The following AGPAT5 variants were observed in gnomAD, a reference collection of about 807,000 sequenced individuals.
The protein encoded by AGPAT5 is 1-acylglycerol-3-phosphate O-acyltransferase 5, also known as 1-acyl-sn-glycerol-3-phosphate acyltransferase epsilon.
In AGPAT5, 46 loss-of-function variants were observed where a neutral mutation model predicts 45.6. That is an observed-to-expected ratio of 1.01 (90% CI 0.80 to 1.29). The LOEUF is 1.29. Among genes scored for constraint, AGPAT5 ranks in the 50% most tolerant of loss-of-function variants. The probability of loss-of-function intolerance (pLI) is 0.00; values close to 1 mark genes in which losing one functional copy is unlikely to be tolerated. For synonymous variants in AGPAT5, 272 were observed against 167.0 expected (o/e 1.63, Z -4.85); for missense variants, 673 against 450.7 (o/e 1.49, Z -4.47).
intron 6 of AGPAT5, among the ~76,000 whole-genome samples, chr8:6,752,086 G>A (rs2936506): frequency 0.77 from 116,662 of 151,962 alleles, 45,787 homozygotes; most frequent in African/African-American, 0.93. Context: ...CTGAGGTAGG[G>A]GAATCACTTG....
chr8:6,732,742 A>C, intron 4 of AGPAT5, 92 bp downstream of exon 4: 1 of 1,139,418 alleles, frequency 8.8e-7, no homozygotes. Flanking sequence ...TTGACAATGT[A>C]TTTTCCCATG....
At chr8:6,720,629 A>G (rs1386406281) in intron 1 of AGPAT5, among the ~76,000 whole-genome samples, 2 of 152,210 alleles carry the variant, frequency 1.3e-5, no homozygotes, top group Non-Finnish European at 2.9e-5. Context: ...ATCTTCAGGA[A>G]GATCACACTG....
rs1231220942 is a variant in AGPAT5, at chr8:6,718,057, C to T, written c.220-6813C>T. On this transcript the variant is annotated intron_variant, in intron 1 of 7. Coordinates refer to ENST00000285518, the MANE Select transcript of AGPAT5 (RefSeq NM_018361.5). ...CTTAAATGGAATACTTTTTGTCATG[C>T]TATTTTGAAGACAAAATGAGATAAT... Among the ~76,000 whole-genome samples the T allele has an allele frequency of 2.6e-5, 4 of 152,164 alleles. No individual in the cohort carries two copies. The East Asian group carries it at 7.7e-4, about 29-fold the overall frequency.
chr8:6,753,598 CA>C (rs1801727952), intron 6 of AGPAT5, among the ~76,000 whole-genome samples: 1 of 152,124 alleles, frequency 6.6e-6, no homozygotes, highest in Non-Finnish European at 1.5e-5. Flanking sequence ...CCCTTAGGCA[CA>C]GAGAGGCGGA....
intron 2 of AGPAT5, among the ~76,000 whole-genome samples, chr8:6,725,892 G>C (rs1470086712): frequency 1.3e-5 from 2 of 152,128 alleles, no homozygotes; most frequent in Non-Finnish European, 2.9e-5. Flanking sequence ...CCTGTCAGCT[G>C]TCTCTTCATG....
At chr8:6,742,843 G>A (rs767406744) in intron 5 of AGPAT5, among the ~76,000 whole-genome samples, 3 of 152,174 alleles carry the variant, frequency 2.0e-5, no homozygotes, top group Non-Finnish European at 2.9e-5. Flanking sequence ...GAATAGGAGG[G>A]TTCAGTTGGT....
At chr8:6,726,683 A>G (rs1464829650) in intron 2 of AGPAT5, among the ~76,000 whole-genome samples, 1 of 152,220 alleles carries the variant, frequency 6.6e-6, no homozygotes, top group Non-Finnish European at 1.5e-5. Flanking sequence ...AGAAGGTACT[A>G]TGGGAAGGAT....
intron 5 of AGPAT5, among the ~76,000 whole-genome samples, chr8:6,743,854 G>A (rs1277629710): frequency 6.6e-6 from 1 of 151,302 alleles, no homozygotes; most frequent in Non-Finnish European, 1.5e-5. Context: ...TCTCTTAAAA[G>A]AAAACAGAAA....
chr8:6,746,259 T>C (rs1157736724), intron 5 of AGPAT5: 2 of 152,250 alleles, frequency 1.3e-5, no homozygotes, highest in African/African-American at 4.8e-5. Flanking sequence ...CACGCAGGCA[T>C]GCTCTGCATG....
rs578032441 is a variant in AGPAT5, at chr8:6,715,466, C to G, written c.219+6579C>G. Among the ~76,000 whole-genome samples, 418 of 152,284 alleles carry G rather than the reference C, an allele frequency of 2.7e-3. 2 individuals carry two copies. Among genetic ancestry groups the G allele is most frequent in the African/African-American group, 9.6e-3 (397 of 41,558 alleles). ...AGGGTGGGTTAGTAACACACTCAGT[C>G]GCAGTTAGTGAGTGCTGCTGTGTGC... On this transcript the variant is annotated intron_variant, in intron 1 of 7. Coordinates refer to ENST00000285518, the MANE Select transcript of AGPAT5 (RefSeq NM_018361.5).
chr8:6,760,797 CTA>C lies in AGPAT5; in HGVS notation c.*3411_*3412del, dbSNP rs34963641. On this transcript the variant is annotated 3_prime_UTR_variant, in exon 8 of 8. Transcript: ENST00000285518. ...TAGTATAATTGACATTATATAGAGA[CTA>C]TGTAACATGCAATCATTAGAATCAA... Among the ~76,000 whole-genome samples, 3,040 of 152,262 alleles carry C rather than the reference CTA, an allele frequency of 0.02. 101 individuals carry two copies. Among genetic ancestry groups the C allele is most frequent in the African/African-American group, 0.069 (2,867 of 41,536 alleles).
At chr8:6,745,188 A>C (rs1801396846) in intron 5 of AGPAT5, 1 of 154,250 alleles carries the variant, frequency 6.5e-6, no homozygotes, top group Non-Finnish European at 1.5e-5. Context: ...TGCCATGTCT[A>C]AGAAGAAAAC....
chr8:6,748,311 T>C (rs959534363), intron 6 of AGPAT5, among the ~76,000 whole-genome samples: 1 of 152,184 alleles, frequency 6.6e-6, no homozygotes, highest in African/African-American at 2.4e-5. Flanking sequence ...TTGTCAGATA[T>C]AACCAGAAAA....
chr8:6,755,203 G>T (rs1012580759), intron 7 of AGPAT5, 29 bp downstream of exon 7: 3 of 1,584,034 alleles, frequency 1.9e-6, no homozygotes, highest in East Asian at 2.3e-5. Context: ...AGCACTTCCG[G>T]AACTTCGGTT....
chr8:6,716,854 A>G (rs1800348292), intron 1 of AGPAT5, among the ~76,000 whole-genome samples: 1 of 152,108 alleles, frequency 6.6e-6, no homozygotes, highest in South Asian at 2.1e-4. Flanking sequence ...AACAAACAAA[A>G]CAAAACAGAG....
At chr8:6,721,433 G>A (rs1041426783) in intron 1 of AGPAT5, among the ~76,000 whole-genome samples, 1 of 152,180 alleles carries the variant, frequency 6.6e-6, no homozygotes, top group African/African-American at 2.4e-5. Flanking sequence ...TCCATTTCAT[G>A]GGATAAGAAT....
At chr8:6,741,323 G>A (rs76918388) in intron 4 of AGPAT5, among the ~76,000 whole-genome samples, 6 of 152,088 alleles carry the variant, frequency 3.9e-5, no homozygotes, top group Non-Finnish European at 8.8e-5. Context: ...GGATCTGAAA[G>A]GGCAAAAACT....
Position 6,732,546 on chromosome 8 carries a change from AT to A in AGPAT5, c.406-12del. The A allele has an allele frequency of 6.3e-7, 1 of 1,580,724 alleles. No individual in the cohort carries two copies. Among genetic ancestry groups the A allele is most frequent in the Non-Finnish European group, 8.5e-7 (1 of 1,169,722 alleles). On this transcript the variant is annotated splice_polypyrimidine_tract_variant and intron_variant, in intron 3 of 7. Transcript: ENST00000285518. ...TTAAAAGTAAATGCTCTTTCTCCCG[AT>A]TTGATTGTGGCAGCATGGAGGAATC... is the stretch of plus-strand genomic sequence containing the variant.
rs1801883807 is a variant in AGPAT5, at chr8:6,757,448, A to G, written c.*60A>G. ...CATTGTCTATTTTTGGCGGCTGCAC[A>G]TGACATCAAATTGTTTCCTGAATTT... On this transcript the variant is annotated 3_prime_UTR_variant, in exon 8 of 8. Coordinates refer to ENST00000285518, the MANE Select transcript of AGPAT5 (RefSeq NM_018361.5). 1 of 1,281,586 alleles carries G rather than the reference A, an allele frequency of 7.8e-7. No individual in the cohort carries two copies. The highest frequency in any genetic ancestry group is 2.3e-5 in the East Asian group (1 of 43,016). The allele number at this position is 1,281,586 out of a possible 1,614,324, so 79.4% of individuals were successfully genotyped here. A position where few individuals can be genotyped will look rare whatever the true frequency, so the allele number is the denominator to read the frequency against.
Sources: allele counts gnomAD v4.1 joint callset (sites outside exome capture counted in the v4.1 genomes callset), GRCh38; gene constraint gnomAD v4.1.1; transcripts MANE v1.5; gene names NCBI Gene and HGNC (gene_info 2026-07-23, HGNC 2026-07-21).